RBFOX1: variants seen among roughly 807,000 people sequenced by gnomAD.
The protein encoded by RBFOX1 is RNA binding protein fox-1 homolog 1.
A neutral mutation model predicts 57.7 loss-of-function variants in RBFOX1; 8 were observed. The ratio of observed to expected loss-of-function variants is 0.14; its 90% CI spans 0.08 to 0.25. The LOEUF (loss-of-function observed/expected upper bound fraction) is 0.25, where lower values mean the gene tolerates loss of function less well. Ranked by LOEUF, RBFOX1 falls within the 10% of genes least tolerant of loss-of-function variation. The pLI, the probability that RBFOX1 is intolerant of heterozygous loss-of-function variation, is 1.00. For missense variants in RBFOX1, 611 were observed against 548.5 expected (o/e 1.11, Z -1.14); for synonymous variants, 326 against 222.4 (o/e 1.47, Z -4.15).
intron 4 of RBFOX1, among the ~76,000 whole-genome samples, chr16:7,094,241 G>T (rs937809714): frequency 6.6e-6 from 1 of 152,016 alleles, no homozygotes; most frequent in Non-Finnish European, 1.5e-5. Context: ...CCCATTCAGA[G>T]AAGAACAAAT....
intron 3 of RBFOX1, among the ~76,000 whole-genome samples, chr16:5,779,424 C>T (rs570720788): frequency 6.6e-6 from 1 of 152,316 alleles, no homozygotes; most frequent in East Asian, 1.9e-4. Flanking sequence ...CAATTCCATT[C>T]AGCACATAAA....
intron 4 of RBFOX1, among the ~76,000 whole-genome samples, chr16:7,514,467 C>T (rs776334394): frequency 1.3e-5 from 2 of 152,094 alleles, no homozygotes; most frequent in Non-Finnish European, 1.5e-5. Flanking sequence ...GGCACAGTGT[C>T]CTGTTTTCAG....
chr16:6,874,346 A>C (rs1285336021), intron 3 of RBFOX1, among the ~76,000 whole-genome samples: 2 of 151,894 alleles, frequency 1.3e-5, no homozygotes, highest in Non-Finnish European at 2.9e-5. Context: ...CTGCATCTCC[A>C]CTAAAAATAC....
At chr16:7,313,000 G>T (rs917997552) in intron 4 of RBFOX1, among the ~76,000 whole-genome samples, 1 of 152,088 alleles carries the variant, frequency 6.6e-6, no homozygotes. Flanking sequence ...GCTGACACGT[G>T]CATTTTCATG....
intron 4 of RBFOX1, among the ~76,000 whole-genome samples, chr16:7,095,628 G>A (rs374292353): frequency 6.6e-6 from 1 of 152,180 alleles, no homozygotes; most frequent in Non-Finnish European, 1.5e-5. Context: ...ATACATACCA[G>A]GTGGGAGCTT....
At chr16:5,410,015 T>G (rs1476102624) in intron 1 of RBFOX1, among the ~76,000 whole-genome samples, 3 of 150,622 alleles carry the variant, frequency 2.0e-5, no homozygotes, top group Non-Finnish European at 4.4e-5. Context: ...GCCAGTGCAC[T>G]TCAGCCTGGG....
At chr16:6,250,560 C>T (rs993294669) in intron 1 of RBFOX1, among the ~76,000 whole-genome samples, 4 of 152,106 alleles carry the variant, frequency 2.6e-5, no homozygotes, top group African/African-American at 9.7e-5. Context: ...CAACCAGGAG[C>T]CCTAGTTAAT....
chr16:6,762,808 C>T (rs1360614722), intron 3 of RBFOX1, among the ~76,000 whole-genome samples: 2 of 152,062 alleles, frequency 1.3e-5, no homozygotes, highest in Non-Finnish European at 1.5e-5. Context: ...CAGGCAATTG[C>T]AAAATAAAAA....
chr16:6,557,017 A>ATACATC (rs1491218679), intron 2 of RBFOX1, among the ~76,000 whole-genome samples: 15 of 124,884 alleles, frequency 1.2e-4, no homozygotes, highest in African/African-American at 5.3e-4. Context: ...ATATATATAC[A>ATACATC]TATATATACA....
At chr16:5,579,235 A>G (rs561530621) in intron 2 of RBFOX1, among the ~76,000 whole-genome samples, 1 of 152,198 alleles carries the variant, frequency 6.6e-6, no homozygotes, top group East Asian at 1.9e-4. Context: ...AGGCTCAGTA[A>G]ATAGTGCAGG....
At chr16:7,441,730 A>G (rs1026896720) in intron 4 of RBFOX1, among the ~76,000 whole-genome samples, 1 of 152,140 alleles carries the variant, frequency 6.6e-6, no homozygotes, top group Non-Finnish European at 1.5e-5. Context: ...CACTTCACCC[A>G]CCAGCTGGAG....
chr16:7,257,002 T>C (rs1406438313), intron 4 of RBFOX1, among the ~76,000 whole-genome samples: 1 of 152,182 alleles, frequency 6.6e-6, no homozygotes, highest in Admixed American at 6.5e-5. Flanking sequence ...GTTCTGATCC[T>C]GTCTCCTCTC....
intron 3 of RBFOX1, among the ~76,000 whole-genome samples, chr16:6,907,179 C>T (rs1319932757): frequency 1.3e-5 from 2 of 152,116 alleles, no homozygotes; most frequent in South Asian, 2.1e-4. Context: ...GGGAGTATGT[C>T]CTCCTGGCAT....
rs114571739 is a variant in RBFOX1, at chr16:7,085,193, A to G, written c.27+33095A>G. 3.0e-3 allele frequency among the ~76,000 whole-genome samples: 451 copies of G among 152,240 alleles called. 3 individuals carry two copies. Among genetic ancestry groups the G allele is most frequent in the African/African-American group, 0.01 (417 of 41,534 alleles). ...CTCCAAGGGCCAGGCCTATAAAGGA[A>G]AATTGGTTATTCTACTTGCCAAATA... On this transcript the variant is annotated intron_variant, in intron 4 of 15. Transcript: ENST00000550418.
At chr16:5,675,263 G>A (rs920945182) in intron 3 of RBFOX1, among the ~76,000 whole-genome samples, 3 of 152,146 alleles carry the variant, frequency 2.0e-5, no homozygotes, top group African/African-American at 7.2e-5. Flanking sequence ...CATAGAAAGA[G>A]AGTGAAAACA....
At chr16:6,613,168 G>C (rs993438103) in intron 2 of RBFOX1, among the ~76,000 whole-genome samples, 2 of 152,048 alleles carry the variant, frequency 1.3e-5, no homozygotes, top group Admixed American at 6.6e-5. Context: ...CTTGCTGCGT[G>C]GGTCCCTCAC....
At chr16:5,739,823 G>T (rs1248403394) in intron 3 of RBFOX1, among the ~76,000 whole-genome samples, 1 of 152,248 alleles carries the variant, frequency 6.6e-6, no homozygotes. Context: ...GCACGTGTCT[G>T]TCTGTGACTT....
intron 2 of RBFOX1, among the ~76,000 whole-genome samples, chr16:6,376,194 C>G (rs545029293): frequency 2.0e-5 from 3 of 152,246 alleles, no homozygotes; most frequent in South Asian, 4.2e-4. Flanking sequence ...CCCTAGACTC[C>G]AGGATCCTTG....
chr16:6,660,255 G>A, intron 3 of RBFOX1, among the ~76,000 whole-genome samples: 1 of 151,066 alleles, frequency 6.6e-6, no homozygotes, highest in Non-Finnish European at 1.5e-5. Flanking sequence ...AGAAATTCTT[G>A]CTTAAAGAGT....
Sources: allele counts gnomAD v4.1 joint callset (sites outside exome capture counted in the v4.1 genomes callset), GRCh38; gene constraint gnomAD v4.1.1; transcripts MANE v1.5; gene names NCBI Gene and HGNC (gene_info 2026-07-23, HGNC 2026-07-21).